Variants in RNF38 observed in about 807,000 individuals in gnomAD.
The protein encoded by RNF38 is E3 ubiquitin-protein ligase RNF38.
In RNF38, 15 loss-of-function variants were observed where a neutral mutation model predicts 67.2. The ratio of observed to expected loss-of-function variants is 0.22; its 90% CI spans 0.15 to 0.34. The LOEUF (loss-of-function observed/expected upper bound fraction) is 0.34, where lower values mean the gene tolerates loss of function less well. Among genes scored for constraint, RNF38 ranks in the 10% least tolerant of loss-of-function variants. RNF38 has a pLI of 1.00. For synonymous variants in RNF38, 220 were observed against 218.8 expected, an observed-to-expected ratio of 1.01 and a Z score of -0.05; for missense variants, 524 against 639.9, an observed-to-expected ratio of 0.82 and a Z score of 1.95.
At chr9:36,412,531 G>A (rs565107425) in intron 2 of RNF38, among the ~76,000 whole-genome samples, 2 of 152,360 alleles carry the variant, frequency 1.3e-5, no homozygotes, top group African/African-American at 4.8e-5. Context: ...GACTTCGTGG[G>A]AGGTATCTGG....
intron 4 of RNF38, among the ~76,000 whole-genome samples, chr9:36,360,285 G>C (rs577743198): frequency 6.6e-6 from 1 of 152,052 alleles, no homozygotes; most frequent in Non-Finnish European, 1.5e-5. Context: ...ATGTCAAAGC[G>C]GTTAGTGTTA....
At chr9:36,412,772 C>T (rs1291734328) in intron 2 of RNF38, among the ~76,000 whole-genome samples, 1 of 152,122 alleles carries the variant, frequency 6.6e-6, no homozygotes, top group African/African-American at 2.4e-5. Context: ...CCCATCTCTG[C>T]TAAAAATACA....
chr9:36,446,839 A>AAAT, intron 1 of RNF38, among the ~76,000 whole-genome samples: 1 of 142,734 alleles, frequency 7.0e-6, no homozygotes. Context: ...AAAAAAAAAA[A>AAAT]GTCAGGCATG....
intron 3 of RNF38, among the ~76,000 whole-genome samples, chr9:36,371,745 C>A (rs1341819843): frequency 6.6e-6 from 1 of 152,068 alleles, no homozygotes; most frequent in Non-Finnish European, 1.5e-5. Flanking sequence ...AGCCACTGCA[C>A]CTGGCCTACA....
intron 1 of RNF38, among the ~76,000 whole-genome samples, chr9:36,453,648 G>A (rs543378179): frequency 1.3e-5 from 2 of 152,196 alleles, no homozygotes; most frequent in East Asian, 3.9e-4. Flanking sequence ...CTCCCAAAGT[G>A]CTGGGATTAT....
At chr9:36,384,847 T>C (rs1218234916) in intron 2 of RNF38, among the ~76,000 whole-genome samples, 1 of 152,212 alleles carries the variant, frequency 6.6e-6, no homozygotes, top group Non-Finnish European at 1.5e-5. Context: ...CAGAGACAAC[T>C]TGCAACATCA....
chr9:36,392,806 G>A lies in RNF38; in HGVS notation c.13-2190C>T, dbSNP rs188572950. ...AATCTAATAAGATATAAAAACATGGGCCCTAACCTCAAGAAGCTTATTCTA... is the reference window on the plus strand; with the variant it reads ...AATCTAATAAGATATAAAAACATGGACCCTAACCTCAAGAAGCTTATTCTA... On this transcript the variant is annotated intron_variant, in intron 1 of 11. Coordinates refer to ENST00000259605, the MANE Select transcript of RNF38 (RefSeq NM_022781.5). Among the ~76,000 whole-genome samples the A allele has an allele frequency of 4.9e-3, 744 of 152,130 alleles. 5 individuals carry two copies. The highest frequency in any genetic ancestry group is 0.016 in the African/African-American group (645 of 41,504).
intron 4 of RNF38, among the ~76,000 whole-genome samples, chr9:36,364,878 T>C (rs1440971011): frequency 1.3e-5 from 2 of 152,208 alleles, no homozygotes; most frequent in Admixed American, 1.3e-4. Flanking sequence ...CTCAGCTGAT[T>C]CAGCTAATAC....
intron 1 of RNF38, among the ~76,000 whole-genome samples, chr9:36,470,956 C>T (rs991487880): frequency 4.6e-5 from 7 of 152,220 alleles, no homozygotes; most frequent in Admixed American, 3.9e-4. Context: ...ACTGAGACTT[C>T]TCTGGTCTGT....
chr9:36,460,830 C>T (rs1307987069), intron 1 of RNF38, among the ~76,000 whole-genome samples: 3 of 140,596 alleles, frequency 2.1e-5, no homozygotes, highest in East Asian at 4.2e-4. Context: ...AAGGTTGCAG[C>T]GAGCCGAGAT....
At chr9:36,365,971 G>C (rs1834927255) in intron 4 of RNF38, among the ~76,000 whole-genome samples, 1 of 152,006 alleles carries the variant, frequency 6.6e-6, no homozygotes, top group African/African-American at 2.4e-5. Flanking sequence ...GGCCAAGACT[G>C]ATAGTTAACT....
At chr9:36,418,423 C>T (rs1016342856) in intron 2 of RNF38, among the ~76,000 whole-genome samples, 1 of 151,978 alleles carries the variant, frequency 6.6e-6, no homozygotes, top group African/African-American at 2.4e-5. Flanking sequence ...AAGACCAAAG[C>T]AGGTGGATCA....
intron 1 of RNF38, among the ~76,000 whole-genome samples, chr9:36,482,048 CTTTTT>C (rs767211095): frequency 8.4e-6 from 1 of 119,306 alleles, no homozygotes; most frequent in African/African-American, 3.1e-5. Context: ...ATACTTTTGT[CTTTTT>C]TTTTTTTTTT....
At chr9:36,401,832 AATT>A (rs1838045949), upstream of RNF38, among the ~76,000 whole-genome samples, 1 of 152,150 alleles carries the variant, frequency 6.6e-6, no homozygotes, top group African/African-American at 2.4e-5. Flanking sequence ...GGTAGAGTAA[AATT>A]ATTAAGGACC....
intron 1 of RNF38, among the ~76,000 whole-genome samples, chr9:36,438,114 T>C (rs1587136623): frequency 6.6e-6 from 1 of 152,118 alleles, no homozygotes; most frequent in South Asian, 2.1e-4. Context: ...GCTAATTTTT[T>C]ATTTTTTGCA....
At chr9:36,433,700 A>G (rs572930896) in intron 1 of RNF38, among the ~76,000 whole-genome samples, 11 of 151,816 alleles carry the variant, frequency 7.2e-5, no homozygotes, top group East Asian at 1.9e-4. Flanking sequence ...AAAAAAAAAA[A>G]AAAGAAAGAA....
intron 1 of RNF38, among the ~76,000 whole-genome samples, chr9:36,444,164 A>T (rs1027375948): frequency 2.6e-5 from 4 of 152,250 alleles, no homozygotes; most frequent in African/African-American, 9.6e-5. Flanking sequence ...TCAGCTAGCC[A>T]TTCTTGATTT....
rs146109652 is a variant in RNF38, at chr9:36,458,579, G to A, written n.241+28729C>T. Reference sequence around the variant, plus strand: ...ACAACTCCTGACGTGCCACCTTTAAGAGCTGTAACACTCACTGCGAAGATC... The same window carrying A: ...ACAACTCCTGACGTGCCACCTTTAAAAGCTGTAACACTCACTGCGAAGATC... On this transcript the variant is annotated intron_variant and non_coding_transcript_variant, in intron 1 of 3. Coordinates refer to the RNF38 transcript ENST00000488058. Among the ~76,000 whole-genome samples the A allele has an allele frequency of 2.9e-3, 434 of 151,836 alleles. 2 individuals carry two copies. The highest frequency in any genetic ancestry group is 9.2e-3 in the African/African-American group (380 of 41,390).
At chr9:36,427,701 A>ACC (rs1838811912) in intron 1 of RNF38, among the ~76,000 whole-genome samples, 2 of 143,002 alleles carry the variant, frequency 1.4e-5, no homozygotes, top group Admixed American at 6.9e-5. Context: ...CTATCTATCT[A>ACC]TCTACCTACC....
Sources: gnomAD v4.1 joint callset for allele counts (sites outside exome capture counted in the v4.1 genomes callset) on GRCh38, gnomAD v4.1.1 for gene constraint, MANE v1.5 for transcripts, NCBI Gene and HGNC (gene_info 2026-07-23, HGNC 2026-07-21) for gene names.